Variants in GIGYF2 observed in about 807,000 individuals in gnomAD.
GIGYF2 encodes the protein GRB10-interacting GYF protein 2.
In GIGYF2, 25 loss-of-function variants were observed where a neutral mutation model predicts 208.1. The ratio of observed to expected loss-of-function variants is 0.12; its 90% CI spans 0.09 to 0.17. The LOEUF (loss-of-function observed/expected upper bound fraction) is 0.17. Among genes scored for constraint, GIGYF2 ranks in the 10% least tolerant of loss-of-function variants. The pLI is 1.00. For synonymous variants in GIGYF2, 534 were observed against 543.8 expected (o/e 0.98, Z 0.25); for missense variants, 1,302 against 1,579.4 (o/e 0.82, Z 2.98).
At chr2:232,787,097 A>G (rs926662876) in intron 8 of GIGYF2, 53 bp from the exon 9 acceptor site, 17 of 1,351,402 alleles carry the variant, frequency 1.3e-5, no homozygotes, top group African/African-American at 2.9e-5. Flanking sequence ...TTTGTTTTCA[A>G]AGCCTATACT....
chr2:232,711,705 G>GTATATATATATATGTATATA (rs1553604500), intron 2 of GIGYF2, among the ~76,000 whole-genome samples: 4 of 115,770 alleles, frequency 3.5e-5, no homozygotes, highest in Non-Finnish European at 7.3e-5. Flanking sequence ...TCACAATGAT[G>GTATATATATATATGTATATA]TATATATATA....
In GIGYF2 at chr2:232,834,109, G is replaced by A. The variant is rs116118568; in HGVS notation, c.2766+1016G>A. 2.6e-3 allele frequency among the ~76,000 whole-genome samples: 396 copies of A among 152,192 alleles called. 2 individuals are homozygous for A. Among genetic ancestry groups the A allele is most frequent in the African/African-American group, 8.8e-3 (366 of 41,530 alleles). On this transcript the variant is annotated intron_variant, in intron 22 of 28. Transcript: ENST00000373563. ...TAGTGGAACTGTTGATGGAATTGGA[G>A]TAATTGGGAAGGGAGGAGCAGACTT... is the stretch of plus-strand genomic sequence containing the variant.
chr2:232,847,336 C>G lies in GIGYF2; in HGVS notation c.3461-12C>G. ...CATTGTTACCCTTATCTTCTCCCCT[C>G]CCGTTTTGCAGTTCCCACATTTGTT... On this transcript the variant is annotated splice_polypyrimidine_tract_variant and intron_variant, in intron 26 of 28. Coordinates refer to ENST00000373563, the MANE Select transcript of GIGYF2 (RefSeq NM_001103146.3). The G allele has an allele frequency of 1.2e-6, 2 of 1,609,484 alleles. No homozygotes were observed. The highest frequency in any genetic ancestry group is 1.7e-6 in the Non-Finnish European group (2 of 1,176,596).
At chr2:232,845,647 G>A in intron 25 of GIGYF2, 85 bp from the exon 26 acceptor site, 1 of 1,211,014 alleles carries the variant, frequency 8.3e-7, no homozygotes, top group Non-Finnish European at 1.2e-6. Flanking sequence ...ATCCAGTATT[G>A]CCAAGACATT....
intron 8 of GIGYF2, chr2:232,771,258 T>C (rs763508215): frequency 1.2e-6 from 2 of 1,608,632 alleles, no homozygotes; most frequent in East Asian, 4.5e-5. Context: ...CAAGACCTCT[T>C]TGAGCGCCAT....
intron 21 of GIGYF2, among the ~76,000 whole-genome samples, chr2:232,825,035 G>C (rs1234392156): frequency 2.0e-5 from 3 of 152,240 alleles, no homozygotes; most frequent in Non-Finnish European, 2.9e-5. Flanking sequence ...TAAACTCACT[G>C]TTGAAGACCT....
chr2:232,817,126 A>G, intron 20 of GIGYF2, 94 bp downstream of exon 20: 1 of 977,358 alleles, frequency 1.0e-6, no homozygotes, highest in South Asian at 1.3e-5. Context: ...CCTGAAGTCC[A>G]CAGGATTGGG....
intron 15 of GIGYF2, among the ~76,000 whole-genome samples, chr2:232,807,921 C>T (rs1034927879): frequency 6.6e-6 from 1 of 152,186 alleles, no homozygotes; most frequent in African/African-American, 2.4e-5. Context: ...TCACCATTGA[C>T]TTATTCATCA....
At chr2:232,800,774 C>T (rs574663772) in intron 14 of GIGYF2, among the ~76,000 whole-genome samples, 1 of 152,134 alleles carries the variant, frequency 6.6e-6, no homozygotes, top group African/African-American at 2.4e-5. Flanking sequence ...TTTCAGCTGA[C>T]ACACGCTGGC....
At chr2:232,796,587 C>T (rs1480025957) in intron 14 of GIGYF2, among the ~76,000 whole-genome samples, 2 of 152,092 alleles carry the variant, frequency 1.3e-5, no homozygotes, top group South Asian at 2.1e-4. Flanking sequence ...TACAGCCTGG[C>T]GTGGCTCACG....
At chr2:232,706,782 A>AAAAT (rs576539249) in intron 2 of GIGYF2, among the ~76,000 whole-genome samples, 3,928 of 151,664 alleles carry the variant, frequency 0.026, 129 homozygotes, top group African/African-American at 0.062. Context: ...TCTGTCTCAA[A>AAAAT]AAATAAATAA....
intron 2 of GIGYF2, among the ~76,000 whole-genome samples, 172 bp downstream of exon 2, chr2:232,703,661 C>A (rs1014350520): frequency 2.0e-5 from 3 of 152,190 alleles, no homozygotes; most frequent in African/African-American, 7.2e-5. Flanking sequence ...GTAACATACC[C>A]TTTCTGCATT....
chr2:232,829,510 T>C (rs1701353095), intron 21 of GIGYF2, among the ~76,000 whole-genome samples: 1 of 152,230 alleles, frequency 6.6e-6, no homozygotes, highest in African/African-American at 2.4e-5. Flanking sequence ...CAATTCAGTC[T>C]TCAACATTGC....
intron 2 of GIGYF2, among the ~76,000 whole-genome samples, chr2:232,727,591 CA>C: frequency 6.6e-6 from 1 of 152,110 alleles, no homozygotes; most frequent in East Asian, 1.9e-4. Flanking sequence ...AATAGTACCT[CA>C]GGGGGAGAAA....
At chr2:232,742,652 T>C (rs1372755529) in intron 3 of GIGYF2, among the ~76,000 whole-genome samples, 2 of 152,054 alleles carry the variant, frequency 1.3e-5, no homozygotes, top group Admixed American at 6.6e-5. Flanking sequence ...GAAATAAAAG[T>C]GTGAATAAAA....
chr2:232,790,729 C>T lies in GIGYF2; in HGVS notation c.744C>T (p.His248=), dbSNP rs750775935. 15 of 1,613,986 alleles carry T rather than the reference C, an allele frequency of 9.3e-6. No individual in the cohort carries two copies. Among genetic ancestry groups the T allele is most frequent in the Non-Finnish European group, 1.1e-5 (13 of 1,180,002 alleles). Residue 248 remains histidine (H), a synonymous_variant, in exon 10 of 29, where the codon CAC becomes CAT. Coordinates refer to ENST00000373563, the MANE Select transcript of GIGYF2 (RefSeq NM_001103146.3). Reference sequence around the variant, plus strand: ...CTCGTTCTGCAGGCTGGCGGGAACACATGGAACGACGTCGGAGGTTTGAGT... The same window carrying T: ...CTCGTTCTGCAGGCTGGCGGGAACATATGGAACGACGTCGGAGGTTTGAGT... ...DGPRSAGWRE[H]MERRRRFEFD...
At chr2:232,844,655 G>A in intron 25 of GIGYF2, 81 bp downstream of exon 25, 2 of 900,742 alleles carry the variant, frequency 2.2e-6, no homozygotes, top group South Asian at 1.4e-5. Flanking sequence ...TGGGTGGGCA[G>A]GAAAAGGTAG....
intron 22 of GIGYF2, 67 bp downstream of exon 22, chr2:232,833,160 G>A: frequency 2.1e-6 from 2 of 934,616 alleles, no homozygotes; most frequent in Non-Finnish European, 3.4e-6. Flanking sequence ...GGTGCTGGCT[G>A]TACCAGTAGC....
chr2:232,776,101 G>T (rs1422427359), intron 8 of GIGYF2, among the ~76,000 whole-genome samples: 1 of 151,654 alleles, frequency 6.6e-6, no homozygotes, highest in African/African-American at 2.4e-5. Context: ...GCTCATTTTG[G>T]GTTTTTGAAA....
Sources: allele counts gnomAD v4.1 joint callset (sites outside exome capture counted in the v4.1 genomes callset), GRCh38; gene constraint gnomAD v4.1.1; transcripts MANE v1.5; gene names NCBI Gene and HGNC (gene_info 2026-07-23, HGNC 2026-07-21).